The following CRIM1 variants were observed in gnomAD, a reference collection of about 807,000 sequenced individuals.
CRIM1 encodes cysteine-rich motor neuron 1 protein.
Under a neutral mutation model 116.4 loss-of-function variants are expected in CRIM1, and 32 were observed. The ratio of observed to expected loss-of-function variants is 0.27; its 90% CI spans 0.21 to 0.37. The LOEUF (loss-of-function observed/expected upper bound fraction) is 0.37, where lower values mean the gene tolerates loss of function less well. CRIM1 is among the 10% of genes least tolerant of loss of function. The pLI, the probability that CRIM1 is intolerant of heterozygous loss-of-function variation, is 1.00. For missense variants in CRIM1, 1,331 were observed against 1,354.8 expected, an observed-to-expected ratio of 0.98 and a Z score of 0.28; for synonymous variants, 590 against 509.2, an observed-to-expected ratio of 1.16 and a Z score of -2.13.
intron 2 of CRIM1, among the ~76,000 whole-genome samples, chr2:36,404,440 T>G (rs1220363302): frequency 6.6e-6 from 1 of 152,216 alleles, no homozygotes; most frequent in Non-Finnish European, 1.5e-5. Context: ...ATAGACTCTT[T>G]CAGTCCAGAA....
chr2:36,450,079 C>T (rs954565599), intron 4 of CRIM1, among the ~76,000 whole-genome samples: 2 of 151,840 alleles, frequency 1.3e-5, no homozygotes, highest in African/African-American at 2.4e-5. Flanking sequence ...ATAGTCCCTA[C>T]GTAGCAGAAG....
intron 5 of CRIM1, among the ~76,000 whole-genome samples, chr2:36,473,267 A>T (rs1678684775): frequency 6.6e-6 from 1 of 152,188 alleles, no homozygotes. Flanking sequence ...CCCTTGAAAG[A>T]TGGGGATATC....
rs573048978 is a variant in CRIM1, at chr2:36,542,793, C to A, written c.2624-1583C>A. 7.9e-5 allele frequency among the ~76,000 whole-genome samples: 12 copies of A among 152,248 alleles called. No homozygotes were observed. The South Asian group carries it at 2.3e-3, about 29-fold the overall frequency. On this transcript the variant is annotated intron_variant, in intron 14 of 16. Coordinates refer to ENST00000280527, the MANE Select transcript of CRIM1 (RefSeq NM_016441.3). ...CCCATATTCACCCAGGAAATTCATACCACACATGAGAGTTTTTCAGTGGGT... is the reference window on the plus strand; with the variant it reads ...CCCATATTCACCCAGGAAATTCATAACACACATGAGAGTTTTTCAGTGGGT...
chr2:36,378,428 A>C, intron 1 of CRIM1: 2 of 471,118 alleles, frequency 4.2e-6, no homozygotes, highest in South Asian at 3.1e-5. Flanking sequence ...TGGTCCCCCA[A>C]ATGGTCCAGA....
intron 2 of CRIM1, among the ~76,000 whole-genome samples, chr2:36,416,643 C>T (rs1673644057): frequency 6.6e-6 from 1 of 152,118 alleles, no homozygotes; most frequent in South Asian, 2.1e-4. Context: ...ATCCTTTTGG[C>T]CATAGTCCCA....
At position 36,547,088 on chromosome 2, in the gene CRIM1, C is replaced by G; in HGVS notation, c.2851C>G (p.Leu951Val). The G allele has an allele frequency of 1.9e-6, 3 of 1,611,424 alleles. No homozygotes were observed. Among genetic ancestry groups the G allele is most frequent in the Non-Finnish European group, 2.5e-6 (3 of 1,177,706 alleles). Residue 951 changes from leucine to valine, a missense_variant, in exon 16 of 17, where the codon CTC becomes GTC. Coordinates refer to ENST00000280527, the MANE Select transcript of CRIM1 (RefSeq NM_016441.3). Reference protein sequence around the residue: ...ASVVVPIIICLSIIIAFLFIN... With the variant: ...ASVVVPIIICVSIIIAFLFIN... ...AGTTGTGGTTCCCATAATTATATGC[C>G]TCTCTATTATAATAGCATTCCTATT...
At chr2:36,403,877 G>T (rs1672595914) in intron 2 of CRIM1, among the ~76,000 whole-genome samples, 1 of 152,114 alleles carries the variant, frequency 6.6e-6, no homozygotes, top group South Asian at 2.1e-4. Flanking sequence ...GAGAGTTACA[G>T]GTCTGGAACT....
At chr2:36,526,443 C>G (rs1665764213) in intron 13 of CRIM1, among the ~76,000 whole-genome samples, 1 of 152,196 alleles carries the variant, frequency 6.6e-6, no homozygotes, top group Non-Finnish European at 1.5e-5. Flanking sequence ...CATCCCATGG[C>G]CATTTCACTG....
chr2:36,405,739 T>C (rs922006998), intron 2 of CRIM1, among the ~76,000 whole-genome samples: 3 of 152,204 alleles, frequency 2.0e-5, no homozygotes, highest in African/African-American at 4.8e-5. Context: ...CACTACTTCT[T>C]TCATTGTTTT....
intron 13 of CRIM1, among the ~76,000 whole-genome samples, chr2:36,523,403 T>G (rs1431149857): frequency 2.6e-5 from 4 of 152,164 alleles, no homozygotes; most frequent in African/African-American, 9.7e-5. Context: ...GATGCATCTT[T>G]GTGAGCAGAG....
In CRIM1 at chr2:36,537,473, G is replaced by T; in HGVS notation, c.2550G>T (p.Ser850=). 6.2e-7 allele frequency: 1 copy of T among 1,614,202 alleles called. No homozygotes were observed. Among genetic ancestry groups the T allele is most frequent in the Non-Finnish European group, 8.5e-7 (1 of 1,180,030 alleles). The part of the protein sequence containing the change: ...CYCLQGQTLC[S]TVSCPPLPCV... ...GCCTGCAGGGCCAGACCCTCTGCTC[G>T]ACCGTCAGCTGCCCCCCTCTGCCCT... Residue 850 remains serine, a synonymous_variant, in exon 14 of 17, where the codon TCG becomes TCT. Transcript: ENST00000280527.
chr2:36,395,912 G>A (rs552917947), intron 1 of CRIM1, among the ~76,000 whole-genome samples: 21 of 152,254 alleles, frequency 1.4e-4, no homozygotes, highest in African/African-American at 5.1e-4. Context: ...CCTGAAGTTG[G>A]TCTCTATCAA....
chr2:36,519,798 A>C (rs951772551), intron 12 of CRIM1, among the ~76,000 whole-genome samples: 1 of 152,236 alleles, frequency 6.6e-6, no homozygotes, highest in African/African-American at 2.4e-5. Context: ...AAGTGAAGCT[A>C]CTTCACCAGC....
At chr2:36,395,402 G>A (rs894319138) in intron 1 of CRIM1, among the ~76,000 whole-genome samples, 2 of 152,158 alleles carry the variant, frequency 1.3e-5, no homozygotes, top group African/African-American at 4.8e-5. Context: ...CTTCAGATAT[G>A]CTTATCAGAA....
intron 7 of CRIM1, among the ~76,000 whole-genome samples, chr2:36,497,046 T>A (rs976676694): frequency 1.3e-5 from 2 of 152,214 alleles, no homozygotes; most frequent in African/African-American, 4.8e-5. Context: ...TATGATATGA[T>A]GATTATACAT....
At chr2:36,450,974 G>A (rs1303751492) in intron 4 of CRIM1, among the ~76,000 whole-genome samples, 1 of 152,190 alleles carries the variant, frequency 6.6e-6, no homozygotes, top group African/African-American at 2.4e-5. Flanking sequence ...CATACTGGAT[G>A]AGGCCAGCCG....
intron 14 of CRIM1, among the ~76,000 whole-genome samples, chr2:36,538,640 T>C (rs993349815): frequency 3.9e-5 from 6 of 152,184 alleles, no homozygotes; most frequent in African/African-American, 9.7e-5. Flanking sequence ...CTAGCCCCAA[T>C]TGAGCATTTC....
intron 12 of CRIM1, 84 bp from the exon 13 acceptor site, chr2:36,522,008 C>A (rs184389269): frequency 7.7e-5 from 86 of 1,112,672 alleles, no homozygotes; most frequent in Admixed American, 4.3e-4. Context: ...GCCATCATGA[C>A]TGGGTGTGCT....
At chr2:36,435,940 A>C (rs1331305689) in intron 2 of CRIM1, among the ~76,000 whole-genome samples, 3 of 142,678 alleles carry the variant, frequency 2.1e-5, no homozygotes, top group African/African-American at 7.9e-5. Flanking sequence ...TTTTTTTTTA[A>C]TGTCTGTTGC....
Sources: allele counts gnomAD v4.1 joint callset (sites outside exome capture counted in the v4.1 genomes callset), GRCh38; gene constraint gnomAD v4.1.1; transcripts MANE v1.5; gene names NCBI Gene and HGNC (gene_info 2026-07-23, HGNC 2026-07-21).